The following DPP6 variants were observed in gnomAD, a reference collection of about 807,000 sequenced individuals.
The protein encoded by DPP6 is dipeptidyl peptidase like 6.
A neutral mutation model predicts 122.6 loss-of-function variants in DPP6; 69 were observed. That is an observed-to-expected ratio of 0.56 (90% CI 0.46 to 0.69). The LOEUF is 0.69. DPP6 is among the 30% of genes least tolerant of loss of function. The pLI is 0.00. For synonymous variants in DPP6, 418 were observed against 433.1 expected (o/e 0.97, Z 0.43); for missense variants, 928 against 1,116.9 (o/e 0.83, Z 2.41).
chr7:154,243,422 G>A (rs1387495440), intron 1 of DPP6, among the ~76,000 whole-genome samples: 1 of 152,144 alleles, frequency 6.6e-6, no homozygotes, highest in Non-Finnish European at 1.5e-5. Flanking sequence ...AGGGAAAGTT[G>A]CAGTAGAGAA....
chr7:154,520,236 G>A (rs910419884), intron 3 of DPP6, among the ~76,000 whole-genome samples: 1 of 152,202 alleles, frequency 6.6e-6, no homozygotes, highest in Non-Finnish European at 1.5e-5. Flanking sequence ...CCACATATAA[G>A]TCCAGAGGTG....
intron 1 of DPP6, among the ~76,000 whole-genome samples, chr7:154,156,919 G>GT (rs1796711411): frequency 3.3e-5 from 5 of 152,292 alleles, no homozygotes; most frequent in African/African-American, 1.2e-4. Flanking sequence ...TGCCCCATTG[G>GT]TGGGTGGGGA....
At chr7:154,131,226 G>T (rs1795264737) in intron 1 of DPP6, among the ~76,000 whole-genome samples, 2 of 152,188 alleles carry the variant, frequency 1.3e-5, no homozygotes, top group African/African-American at 4.8e-5. Flanking sequence ...AGATTTAGAA[G>T]CTATTTTAAG....
the DPP6 span, among the ~76,000 whole-genome samples, chr7:153,855,211 A>C: frequency 6.6e-6 from 1 of 151,486 alleles, no homozygotes; most frequent in Non-Finnish European, 1.5e-5. Context: ...CACAATGTGC[A>C]CATGTACCCT....
chr7:154,135,517 C>T (rs547283156), intron 1 of DPP6, among the ~76,000 whole-genome samples: 1 of 151,960 alleles, frequency 6.6e-6, no homozygotes, highest in East Asian at 2.0e-4. Context: ...GCATACACTT[C>T]CTATCTGTAA....
intron 2 of DPP6, among the ~76,000 whole-genome samples, chr7:154,471,924 G>T (rs1462669562): frequency 1.3e-5 from 2 of 152,132 alleles, no homozygotes; most frequent in South Asian, 2.1e-4. Flanking sequence ...TAAATCCTTA[G>T]TTGGGTAATA....
chr7:154,103,272 C>T (rs1805885983), intron 1 of DPP6, among the ~76,000 whole-genome samples: 2 of 152,194 alleles, frequency 1.3e-5, no homozygotes, highest in South Asian at 2.1e-4. Flanking sequence ...CAGGAAGCGA[C>T]TCCATTCCGT....
chr7:154,625,144 T>G (rs1834983133), intron 5 of DPP6, among the ~76,000 whole-genome samples: 1 of 152,210 alleles, frequency 6.6e-6, no homozygotes, highest in African/African-American at 2.4e-5. Flanking sequence ...GACAGACTCC[T>G]CAGTCTTCCA....
intron 1 of DPP6, among the ~76,000 whole-genome samples, chr7:154,020,047 G>A (rs940676863): frequency 8.6e-5 from 13 of 151,932 alleles, no homozygotes; most frequent in African/African-American, 2.9e-4. Flanking sequence ...CCAGACTCTG[G>A]GTGTACAGCA....
At position 154,122,623 on chromosome 7, in the gene DPP6, G is replaced by A. The variant is rs1025292841; in HGVS notation, c.243+69560G>A. On this transcript the variant is annotated intron_variant, in intron 1 of 25. Coordinates refer to ENST00000377770, the MANE Select transcript of DPP6 (RefSeq NM_130797.4). ...CTTTAGCAATTTGCTGTAATAATTG[G>A]CAACAATATCTTGAAGCACAGATTA... Among the ~76,000 whole-genome samples, 3 of 152,016 alleles carry A rather than the reference G, an allele frequency of 2.0e-5. No individual in the cohort carries two copies. In the East Asian group the frequency reaches 5.8e-4, roughly 29 times the overall value.
chr7:154,713,804 G>A (rs1013898922), intron 7 of DPP6, among the ~76,000 whole-genome samples: 4 of 152,184 alleles, frequency 2.6e-5, no homozygotes, highest in African/African-American at 9.6e-5. Flanking sequence ...TTTCCCTATT[G>A]TCTTGGTGAT....
rs985030138 is a variant in DPP6, at chr7:154,483,867, G to C, written c.457+8830G>C. Among the ~76,000 whole-genome samples, 2 of 152,114 alleles carry C rather than the reference G, an allele frequency of 1.3e-5. No homozygotes were observed. Among genetic ancestry groups the C allele is most frequent in the Non-Finnish European group, 2.9e-5 (2 of 68,026 alleles). On this transcript the variant is annotated intron_variant, in intron 3 of 25. Coordinates refer to ENST00000377770, the MANE Select transcript of DPP6 (RefSeq NM_130797.4). The surrounding 1 kb of genome is among the most constrained non-coding windows in gnomAD (Gnocchi z 8.1). ...ACACCATCACGCCTAGCTAATTTTTGTATTTTTAGCAGAGACAGGGTTTCC... is the reference window on the plus strand; with the variant it reads ...ACACCATCACGCCTAGCTAATTTTTCTATTTTTAGCAGAGACAGGGTTTCC...
At chr7:154,772,980 A>C in intron 10 of DPP6, 38 bp downstream of exon 10, 1 of 1,520,168 alleles carries the variant, frequency 6.6e-7, no homozygotes, top group Non-Finnish European at 8.8e-7. Flanking sequence ...AAAAAAAAAA[A>C]AACTAAGATG....
intron 1 of DPP6, among the ~76,000 whole-genome samples, chr7:154,407,063 A>G (rs780483446): frequency 6.6e-6 from 1 of 152,180 alleles, no homozygotes; most frequent in Non-Finnish European, 1.5e-5. Context: ...GCCCCAGCCT[A>G]CTTGTCAAAT....
intron 1 of DPP6, among the ~76,000 whole-genome samples, chr7:154,200,341 A>G (rs1799105510): frequency 6.6e-6 from 1 of 152,190 alleles, no homozygotes; most frequent in African/African-American, 2.4e-5. Context: ...TTATGCTAGG[A>G]ACATTCAAAT....
At chr7:154,402,897 G>A (rs1005430009) in intron 1 of DPP6, among the ~76,000 whole-genome samples, 2 of 152,102 alleles carry the variant, frequency 1.3e-5, no homozygotes, top group Non-Finnish European at 2.9e-5. Context: ...AAATAAAGTA[G>A]AAAAGATTTG....
intron 1 of DPP6, among the ~76,000 whole-genome samples, chr7:153,924,996 G>A (rs1239209106): frequency 6.6e-6 from 1 of 152,184 alleles, no homozygotes; most frequent in Non-Finnish European, 1.5e-5. Flanking sequence ...TCTGGTTGTT[G>A]ACATTGTACT....
chr7:154,621,460 C>T (rs1834651726), intron 5 of DPP6, among the ~76,000 whole-genome samples: 1 of 152,202 alleles, frequency 6.6e-6, no homozygotes, highest in Non-Finnish European at 1.5e-5. Context: ...CCTCCGCCTC[C>T]TGGGTTCAAG....
chr7:154,077,449 G>A (rs549824822), intron 1 of DPP6, among the ~76,000 whole-genome samples: 2 of 152,108 alleles, frequency 1.3e-5, no homozygotes, highest in African/African-American at 4.8e-5. Flanking sequence ...TTATTCCAAC[G>A]AGTCTGTTGA....
Sources: gnomAD v4.1 joint callset for allele counts (sites outside exome capture counted in the v4.1 genomes callset) on GRCh38, gnomAD v4.1.1 for gene constraint, Gnocchi (gnomAD v3.1) non-coding constraint, MANE v1.5 for transcripts, NCBI Gene and HGNC (gene_info 2026-07-23, HGNC 2026-07-21) for gene names.